Variants in PLEKHG4B observed in about 807,000 individuals in gnomAD.
The protein encoded by PLEKHG4B is pleckstrin homology and RhoGEF domain containing G4B.
In PLEKHG4B, 111 loss-of-function variants were observed where a neutral mutation model predicts 121.3. That is an observed-to-expected ratio of 0.92 (90% CI 0.78 to 1.07). PLEKHG4B has a LOEUF of 1.07. Among genes scored for constraint, PLEKHG4B ranks in the 50% least tolerant of loss-of-function variants. The pLI is 0.00. For missense variants in PLEKHG4B, 1,831 were observed against 1,757.8 expected (o/e 1.04, Z -0.74); for synonymous variants, 738 against 725.0 (o/e 1.02, Z -0.29).
rs1735222197 is a variant in PLEKHG4B, at chr5:141,970, T to C, written c.1478-1077T>C. ...CTCGGAGGCAATGGCACCACAGCCCTTGGAAACAGAAGTGTGGCCCAGCCC... is the reference window on the plus strand; with the variant it reads ...CTCGGAGGCAATGGCACCACAGCCCCTGGAAACAGAAGTGTGGCCCAGCCC... On this transcript the variant is annotated intron_variant, in intron 3 of 19. Coordinates refer to ENST00000637938, the MANE Select transcript of PLEKHG4B (RefSeq NM_052909.5). Among the ~76,000 whole-genome samples, 4 of 152,116 alleles carry C rather than the reference T, an allele frequency of 2.6e-5. No homozygotes were observed. The South Asian group carries it at 8.3e-4, about 32-fold the overall frequency.
Position 183,172 on chromosome 5 carries a change from C to T in PLEKHG4B, c.*849C>T, listed in dbSNP as rs1271587656. 6.6e-6 allele frequency: 1 copy of T among 152,266 alleles called. No homozygotes were observed. Among genetic ancestry groups the T allele is most frequent in the Non-Finnish European group, 1.5e-5 (1 of 68,056 alleles). The allele number at this position is 152,266 out of a possible 1,614,324, so 9.4% of individuals were successfully genotyped here. A position where few individuals can be genotyped will look rare whatever the true frequency, so the allele number is the denominator to read the frequency against. Reference sequence around the variant, plus strand: ...ATTAGCCCTAGACTGAGCCCTGCTCCTGACTCGCCTACAAAATCATAAAAG... The same window carrying T: ...ATTAGCCCTAGACTGAGCCCTGCTCTTGACTCGCCTACAAAATCATAAAAG... On this transcript the variant is annotated 3_prime_UTR_variant, in exon 20 of 20. Coordinates refer to ENST00000637938, the MANE Select transcript of PLEKHG4B (RefSeq NM_052909.5).
intron 1 of PLEKHG4B, among the ~76,000 whole-genome samples, chr5:105,650 T>G (rs1053165081): frequency 6.6e-6 from 1 of 152,218 alleles, no homozygotes; most frequent in African/African-American, 2.4e-5. Flanking sequence ...TGGTTTATTC[T>G]GGTTTCATTC....
rs548507371 is a variant in PLEKHG4B, at chr5:143,084, C to T, written c.1515C>T (p.Gly505=). The change falls in exon 4 of 20, where the codon GGC becomes GGT. Residue 505 remains glycine, a synonymous_variant. Coordinates refer to ENST00000637938, the MANE Select transcript of PLEKHG4B (RefSeq NM_052909.5). Reference sequence around the variant, plus strand: ...CCTCAGCCTGTGTCAGCACAGACGGCGGCAGCCTCCATTGCCACAACCCCA... The same window carrying T: ...CCTCAGCCTGTGTCAGCACAGACGGTGGCAGCCTCCATTGCCACAACCCCA... The part of the protein sequence containing the change: ...LASSACVSTD[G]GSLHCHNPSG... The T allele has an allele frequency of 5.6e-6, 9 of 1,613,022 alleles. No homozygotes were observed. Among genetic ancestry groups the T allele is most frequent in the South Asian group, 2.2e-5 (2 of 91,084 alleles).
chr5:163,331 G>C lies in PLEKHG4B; in HGVS notation c.3259G>C (p.Glu1087Gln), dbSNP rs143360196. 1 of 1,613,400 alleles carries C rather than the reference G, an allele frequency of 6.2e-7. No individual in the cohort carries two copies. The highest frequency in any genetic ancestry group is 8.5e-7 in the Non-Finnish European group (1 of 1,180,024). Residue 1087 changes from glutamate (E) to glutamine (Q), a missense_variant, in exon 13 of 20, where the codon GAG becomes CAG. Physicochemically the swap from Glu to Gln is conservative, Grantham distance 29. Coordinates refer to ENST00000637938, the MANE Select transcript of PLEKHG4B (RefSeq NM_052909.5). ...AATGATAAAGAAAACGCAAAGTTTC[G>C]AGATACCTCAGCCCGACAGTGGCCC... ...KKMIKKTQSFEIPQPDSGPRD... is the reference protein window; with the variant it reads ...KKMIKKTQSFQIPQPDSGPRD...
intron 3 of PLEKHG4B, 111 bp from the exon 4 acceptor site, chr5:142,936 C>T (rs1735271013): frequency 1.9e-6 from 2 of 1,044,084 alleles, no homozygotes; most frequent in Admixed American, 1.9e-5. Flanking sequence ...TCGGAACCCC[C>T]TACTTTCATG....
chr5:160,513 C>A (rs1323882881), intron 11 of PLEKHG4B, among the ~76,000 whole-genome samples: 1 of 152,170 alleles, frequency 6.6e-6, no homozygotes, highest in African/African-American at 2.4e-5. Context: ...GCTGGACATT[C>A]TCTTCACACG....
chr5:139,450 C>T lies in PLEKHG4B; in HGVS notation c.244-33C>T, dbSNP rs1009490300. 15 of 398,796 alleles carry T rather than the reference C, an allele frequency of 3.8e-5. No individual in the cohort carries two copies. Among genetic ancestry groups the T allele is most frequent in the African/African-American group, 3.1e-4 (15 of 48,630 alleles). The allele number at this position is 398,796 out of a possible 1,614,324, so 24.7% of individuals were successfully genotyped here. A position where few individuals can be genotyped will look rare whatever the true frequency, so the allele number is the denominator to read the frequency against. ...TGGAAGGGCTCAGGACATGGCCGTG[C>T]CCACCACTAACCTCCCTCCTCTCTT... On this transcript the variant is annotated intron_variant, in intron 2 of 19. Transcript: ENST00000637938. This position sits in a 1 kb window ranked among gnomAD's most constrained non-coding sequence, Gnocchi z 5.0.
intron 2 of PLEKHG4B, among the ~76,000 whole-genome samples, chr5:126,023 G>A (rs1053283177): frequency 6.6e-6 from 1 of 152,136 alleles, no homozygotes; most frequent in Non-Finnish European, 1.5e-5. Flanking sequence ...GCTGCTTTCA[G>A]GATTCTTTGT....
rs888467814 is a variant in PLEKHG4B, at chr5:137,834, A to G, written c.244-1649A>G. On this transcript the variant is annotated intron_variant, in intron 2 of 19. Coordinates refer to ENST00000637938, the MANE Select transcript of PLEKHG4B (RefSeq NM_052909.5). The surrounding 1 kb of genome is among the most constrained non-coding windows in gnomAD (Gnocchi z 4.2). ...GGGGGCCAGGCTCGGGGAGGCCCTT[A>G]TGGACCGGCAGGTACCTGTCTCTTC... is the stretch of plus-strand genomic sequence containing the variant. 1.1e-4 allele frequency among the ~76,000 whole-genome samples: 17 copies of G among 152,312 alleles called. No homozygotes were observed. Among genetic ancestry groups the G allele is most frequent in the Middle Eastern group, 3.4e-3 (1 of 294 alleles).
intron 7 of PLEKHG4B, among the ~76,000 whole-genome samples, chr5:154,194 C>T (rs933025784): frequency 3.3e-5 from 5 of 151,890 alleles, no homozygotes; most frequent in East Asian, 1.9e-4. Flanking sequence ...TTAGTAGAGA[C>T]GGGGTTTTAC....
At position 182,080 on chromosome 5, in the gene PLEKHG4B, C is replaced by T. The variant is rs1465486488; in HGVS notation, c.4641C>T (p.Ile1547=). 1.2e-6 allele frequency: 2 copies of T among 1,614,076 alleles called. No individual in the cohort carries two copies. Among genetic ancestry groups the T allele is most frequent in the African/African-American group, 2.7e-5 (2 of 74,952 alleles). The change falls in exon 20 of 20, where the codon ATC becomes ATT. Residue 1547 remains isoleucine, a synonymous_variant. Coordinates refer to ENST00000637938, the MANE Select transcript of PLEKHG4B (RefSeq NM_052909.5). ...CCTTCAAGCGACCACACTCCACCAT[C>T]TCAGACAGCAGCACCTCCTCTTCTA... ...AAPFKRPHST[I]SDSSTSSSSS...
intron 18 of PLEKHG4B, chr5:179,491 C>T (rs1736865022): frequency 6.6e-6 from 1 of 152,666 alleles, no homozygotes. Context: ...AACTCCTGTC[C>T]CTCATTGTTG....
At chr5:173,734 C>T (rs1736650603) in intron 17 of PLEKHG4B, among the ~76,000 whole-genome samples, 184 bp from the exon 18 acceptor site, 2 of 152,066 alleles carry the variant, frequency 1.3e-5, no homozygotes, top group African/African-American at 4.8e-5. Flanking sequence ...GGCACTCTCC[C>T]TGGCACGGTC....
intron 1 of PLEKHG4B, among the ~76,000 whole-genome samples, chr5:111,646 T>C (rs1178792278): frequency 6.6e-6 from 1 of 151,494 alleles, no homozygotes; most frequent in Non-Finnish European, 1.5e-5. Flanking sequence ...GCAGAATACG[T>C]CTCTCCCGGG....
At chr5:135,309 AAG>A (rs1181580866) in intron 2 of PLEKHG4B, among the ~76,000 whole-genome samples, 1 of 152,056 alleles carries the variant, frequency 6.6e-6, no homozygotes, top group Non-Finnish European at 1.5e-5. Context: ...GCATTGCTGA[AAG>A]AAATTAAAGA....
chr5:115,467 A>G (rs1324207606), intron 2 of PLEKHG4B, among the ~76,000 whole-genome samples: 2 of 152,224 alleles, frequency 1.3e-5, no homozygotes, highest in African/African-American at 4.8e-5. Context: ...ACCAGCTCCT[A>G]ACAAGAGAGT....
intron 1 of PLEKHG4B, among the ~76,000 whole-genome samples, chr5:106,251 T>G (rs766966993): frequency 6.6e-6 from 1 of 152,186 alleles, no homozygotes; most frequent in Non-Finnish European, 1.5e-5. Context: ...CTCCTCCTAG[T>G]TATTTTCAGT....
chr5:161,746 A>G, intron 11 of PLEKHG4B, 37 bp from the exon 12 acceptor site: 3 of 1,612,860 alleles, frequency 1.9e-6, no homozygotes, highest in Non-Finnish European at 2.5e-6. Flanking sequence ...ACGTGGAAGC[A>G]CCGGGCTTGT....
intron 5 of PLEKHG4B, among the ~76,000 whole-genome samples, chr5:144,443 C>T (rs1346925026): frequency 6.6e-6 from 1 of 152,228 alleles, no homozygotes; most frequent in African/African-American, 2.4e-5. Flanking sequence ...CCATCCACAT[C>T]CCATCAGAAT....
Sources: allele counts gnomAD v4.1 joint callset (sites outside exome capture counted in the v4.1 genomes callset), GRCh38; gene constraint gnomAD v4.1.1; non-coding constraint Gnocchi (gnomAD v3.1); transcripts MANE v1.5; gene names NCBI Gene and HGNC (gene_info 2026-07-23, HGNC 2026-07-21).